Variants in PTDSS1 observed in about 807,000 individuals in gnomAD.
The protein encoded by PTDSS1 is phosphatidylserine synthase 1.
A neutral mutation model predicts 70.5 loss-of-function variants in PTDSS1; 45 were observed. That is an observed-to-expected ratio of 0.64 (90% CI 0.50 to 0.82). The LOEUF (loss-of-function observed/expected upper bound fraction) is 0.82. PTDSS1 is among the 40% of genes least tolerant of loss of function. PTDSS1 has a pLI of 0.00. For synonymous variants in PTDSS1, 188 were observed against 203.8 expected, an observed-to-expected ratio of 0.92 and a Z score of 0.66; for missense variants, 417 against 586.1, an observed-to-expected ratio of 0.71 and a Z score of 2.98.
At chr8:96,289,216 G>A (rs956590870) in intron 4 of PTDSS1, among the ~76,000 whole-genome samples, 4 of 152,154 alleles carry the variant, frequency 2.6e-5, no homozygotes, top group Non-Finnish European at 5.9e-5. Flanking sequence ...GTGAGCCACT[G>A]CACCCAGACC....
intron 10 of PTDSS1, among the ~76,000 whole-genome samples, chr8:96,327,598 C>T (rs1029064272): frequency 2.6e-5 from 4 of 152,138 alleles, no homozygotes; most frequent in African/African-American, 9.7e-5. Flanking sequence ...AAGCAAAGCC[C>T]CTAATTACTC....
Position 96,333,447 on chromosome 8 carries a change from C to A in PTDSS1, c.1313-10C>A. The A allele has an allele frequency of 6.2e-7, 1 of 1,605,664 alleles. No individual in the cohort carries two copies. On this transcript the variant is annotated splice_polypyrimidine_tract_variant and intron_variant, in intron 12 of 12. Coordinates refer to ENST00000517309, the MANE Select transcript of PTDSS1 (RefSeq NM_014754.3). ...CCAGGGTGACGGTGTGCTCTGATTC[C>A]TTTGGCCAGGTTCTGAAGACAGCCC...
intron 12 of PTDSS1, among the ~76,000 whole-genome samples, chr8:96,332,755 T>A (rs1353305967): frequency 2.0e-5 from 3 of 152,210 alleles, no homozygotes; most frequent in African/African-American, 7.2e-5. Flanking sequence ...AGTCAAATGC[T>A]CCTTACAGTG....
intron 5 of PTDSS1, among the ~76,000 whole-genome samples, chr8:96,296,561 A>C (rs1810979085): frequency 6.6e-6 from 1 of 152,232 alleles, no homozygotes; most frequent in Non-Finnish European, 1.5e-5. Context: ...TCCAATGACT[A>C]TCTCCAAATA....
chr8:96,282,262 A>G (rs773898048), intron 2 of PTDSS1, among the ~76,000 whole-genome samples: 2 of 152,234 alleles, frequency 1.3e-5, no homozygotes, highest in Non-Finnish European at 2.9e-5. Context: ...TTGGAAGTGA[A>G]AATAACTTAA....
chr8:96,298,766 G>T (rs1811010607), intron 5 of PTDSS1, among the ~76,000 whole-genome samples: 3 of 152,088 alleles, frequency 2.0e-5, no homozygotes, highest in Admixed American at 2.0e-4. Flanking sequence ...TTATGGTTCT[G>T]GTTATCTGGA....
rs187170025 is a variant in PTDSS1 at position 96,335,878 on chromosome 8, A to G, written c.*2312A>G. On this transcript the variant is annotated 3_prime_UTR_variant, in exon 13 of 13. Transcript: ENST00000517309. ...TTTCAGAATCATCATTCAATATCTG[A>G]AATGATTTGATTGTAAATTATCTCA... 6.6e-6 allele frequency: 1 copy of G among 152,316 alleles called. No individual in the cohort carries two copies. Among genetic ancestry groups the G allele is most frequent in the Non-Finnish European group, 1.5e-5 (1 of 68,020 alleles). The allele number at this position is 152,316 out of a possible 1,614,324, so 9.4% of individuals were successfully genotyped here. A position where few individuals can be genotyped will look rare whatever the true frequency, so the allele number is the denominator to read the frequency against.
chr8:96,330,049 G>A (rs1441995799), intron 10 of PTDSS1, among the ~76,000 whole-genome samples, 164 bp from the exon 11 acceptor site: 1 of 152,198 alleles, frequency 6.6e-6, no homozygotes, highest in African/African-American at 2.4e-5. Context: ...CTTTGGGTGT[G>A]CACCCTCCCC....
chr8:96,295,186 C>T lies in PTDSS1; in HGVS notation c.530C>T (p.Ala177Val). 1 of 1,614,160 alleles carries T rather than the reference C, an allele frequency of 6.2e-7. No homozygotes were observed. The highest frequency in any genetic ancestry group is 8.5e-7 in the Non-Finnish European group (1 of 1,180,018). The change falls in exon 5 of 13, where the codon GCC (alanine) becomes GTC (valine). Residue 177 changes from alanine (A) to valine (V), a missense_variant. Physicochemically the swap from Ala to Val is moderately conservative, Grantham distance 64 (BLOSUM62 0). This residue lies in a region of PTDSS1 where 272 missense variants were observed against 429.5 expected (regional missense o/e 0.63). Coordinates refer to ENST00000517309, the MANE Select transcript of PTDSS1 (RefSeq NM_014754.3). ...IFAFGHFWGW[A>V]MKALLIRSYG... Reference sequence around the variant, plus strand: ...GCATTTGGACATTTCTGGGGCTGGGCCATGAAGGCCTTGCTGATCCGTAGT... The same window carrying T: ...GCATTTGGACATTTCTGGGGCTGGGTCATGAAGGCCTTGCTGATCCGTAGT...
chr8:96,281,233 A>G (rs1227640821), intron 2 of PTDSS1, among the ~76,000 whole-genome samples: 1 of 152,208 alleles, frequency 6.6e-6, no homozygotes, highest in East Asian at 1.9e-4. Flanking sequence ...CTGACAGTAA[A>G]GATTGCACTG....
chr8:96,303,778 G>C (rs982261985), intron 6 of PTDSS1, among the ~76,000 whole-genome samples: 4 of 152,192 alleles, frequency 2.6e-5, no homozygotes, highest in African/African-American at 9.7e-5. Context: ...AGTGTGTGCA[G>C]TTTTACGTGG....
intron 12 of PTDSS1, 90 bp from the exon 13 acceptor site, chr8:96,333,367 G>C (rs1004999454): frequency 8.6e-7 from 1 of 1,163,230 alleles, no homozygotes; most frequent in African/African-American, 1.5e-5. Flanking sequence ...GGAAGAACCT[G>C]TTCCCCGGCA....
At chr8:96,301,481 A>G (rs1811049614) in intron 6 of PTDSS1, among the ~76,000 whole-genome samples, 1 of 151,730 alleles carries the variant, frequency 6.6e-6, no homozygotes, top group Non-Finnish European at 1.5e-5. Flanking sequence ...GTAAATATTA[A>G]CCAGTATTTT....
intron 3 of PTDSS1, 150 bp from the exon 4 acceptor site, chr8:96,286,872 A>G (rs998565472): frequency 3.0e-6 from 3 of 1,008,796 alleles, no homozygotes; most frequent in Non-Finnish European, 4.5e-6. Context: ...TGCCTCATCA[A>G]GGGAAATCCC....
At position 96,330,270 on chromosome 8, in the gene PTDSS1, C is replaced by A; in HGVS notation, c.1231C>A (p.His411Asn). ...GMIWYAEHYG[H>N]REKTYSECED... ...GATTTGGTATGCAGAACACTATGGT[C>A]ACCGAGAAAAGGTATGGAAGGAGAG... Residue 411 changes from histidine to asparagine, a missense_variant, in exon 11 of 13, where the codon CAC becomes AAC. Coordinates refer to ENST00000517309, the MANE Select transcript of PTDSS1 (RefSeq NM_014754.3). 2 of 1,611,066 alleles carry A rather than the reference C, an allele frequency of 1.2e-6. No individual in the cohort carries two copies. Among genetic ancestry groups the A allele is most frequent in the South Asian group, 1.1e-5 (1 of 91,004 alleles).
At chr8:96,299,299 T>C (rs1811018421) in intron 5 of PTDSS1, among the ~76,000 whole-genome samples, 2 of 152,218 alleles carry the variant, frequency 1.3e-5, no homozygotes, top group African/African-American at 4.8e-5. Context: ...ACTTGAATTC[T>C]CAAGCTGCTA....
chr8:96,277,273 T>C (rs1177701563), intron 2 of PTDSS1, among the ~76,000 whole-genome samples: 1 of 152,266 alleles, frequency 6.6e-6, no homozygotes, highest in Non-Finnish European at 1.5e-5. Context: ...AAGAATGTTA[T>C]TGAATATTTT....
intron 5 of PTDSS1, among the ~76,000 whole-genome samples, chr8:96,296,027 A>G (rs749608077): frequency 1.4e-5 from 2 of 143,926 alleles, no homozygotes; most frequent in Non-Finnish European, 3.0e-5. Context: ...CTCCTTCTCT[A>G]TCTTTGTGGT....
At chr8:96,269,468 A>G (rs774028130) in intron 1 of PTDSS1, among the ~76,000 whole-genome samples, 1 of 152,194 alleles carries the variant, frequency 6.6e-6, no homozygotes, top group Non-Finnish European at 1.5e-5. Context: ...CAGCATCACA[A>G]TGGAAAGCTT....
Sources: gnomAD v4.1 joint callset for allele counts (sites outside exome capture counted in the v4.1 genomes callset) on GRCh38, gnomAD v4.1.1 for gene constraint, gnomAD v4.1.1 regional missense constraint, MANE v1.5 for transcripts, NCBI Gene and HGNC (gene_info 2026-07-23, HGNC 2026-07-21) for gene names.